The following AFF1 variants were observed in gnomAD, a reference collection of about 807,000 sequenced individuals.
The protein encoded by AFF1 is ALF transcription elongation factor 1, also known as AF4/FMR2 family member 1.
A neutral mutation model predicts 121.7 loss-of-function variants in AFF1; 48 were observed. The observed-to-expected ratio is 0.39, with a 90% CI of 0.31 to 0.50. The LOEUF is 0.50. AFF1 is among the 20% of genes least tolerant of loss of function. AFF1 has a pLI of 0.76. For synonymous variants in AFF1, 613 were observed against 563.0 expected (o/e 1.09, Z -1.26); for missense variants, 1,523 against 1,511.7 (o/e 1.01, Z -0.12).
chr4:86,956,474 C>T (rs1721746673), intron 2 of AFF1, among the ~76,000 whole-genome samples: 2 of 152,190 alleles, frequency 1.3e-5, no homozygotes, highest in South Asian at 2.1e-4. Flanking sequence ...GTGTAATTTA[C>T]AAGCTATTTT....
At chr4:87,096,192 G>A (rs1378011330) in intron 8 of AFF1, among the ~76,000 whole-genome samples, 1 of 151,846 alleles carries the variant, frequency 6.6e-6, no homozygotes, top group African/African-American at 2.4e-5. Flanking sequence ...TTGTGCATGT[G>A]GTAAGAATGT....
At chr4:87,012,726 C>G (rs1405977749) in intron 2 of AFF1, among the ~76,000 whole-genome samples, 1 of 152,194 alleles carries the variant, frequency 6.6e-6, no homozygotes, top group Non-Finnish European at 1.5e-5. Flanking sequence ...TAGATTTACA[C>G]TTCAGGAGAA....
rs144396595 is a variant in AFF1 at position 87,072,663 on chromosome 4, C to T, written c.1060-11457C>T. ...AGCCTCCCCAGTAGCTGGGATTACA[C>T]GCTTGCACCACCCACCACCACGCCT... On this transcript the variant is annotated intron_variant, in intron 4 of 20. Transcript: ENST00000395146. 8.3e-3 allele frequency among the ~76,000 whole-genome samples: 1,257 copies of T among 151,998 alleles called. 17 individuals are homozygous for T. Among genetic ancestry groups the T allele is most frequent in the African/African-American group, 0.029 (1,189 of 41,454 alleles).
chr4:87,019,160 G>T (rs1362424096), intron 2 of AFF1, among the ~76,000 whole-genome samples: 2 of 152,212 alleles, frequency 1.3e-5, no homozygotes, highest in African/African-American at 4.8e-5. Flanking sequence ...TATATATTTA[G>T]CAATAGGAAA....
chr4:86,942,672 T>C (rs1720548198), intron 1 of AFF1, among the ~76,000 whole-genome samples: 1 of 152,210 alleles, frequency 6.6e-6, no homozygotes, highest in Non-Finnish European at 1.5e-5. Flanking sequence ...AGTTCTGGTT[T>C]TTTGATGGTA....
chr4:86,957,516 G>C (rs1041515322), intron 2 of AFF1, among the ~76,000 whole-genome samples: 1 of 152,008 alleles, frequency 6.6e-6, no homozygotes, highest in Non-Finnish European at 1.5e-5. Context: ...GAATGCTGGG[G>C]CAACTAGTTC....
At chr4:87,091,492 A>G (rs1006953660) in intron 6 of AFF1, among the ~76,000 whole-genome samples, 1 of 152,142 alleles carries the variant, frequency 6.6e-6, no homozygotes, top group African/African-American at 2.4e-5. Context: ...ATCTTTGTGC[A>G]ACAACAAAGG....
At chr4:87,013,948 C>A (rs543941814) in intron 2 of AFF1, among the ~76,000 whole-genome samples, 2 of 152,066 alleles carry the variant, frequency 1.3e-5, no homozygotes, top group East Asian at 3.9e-4. Context: ...TGAGAGAGAT[C>A]ATATAAACCA....
At chr4:87,026,310 T>C (rs1728532386) in intron 2 of AFF1, among the ~76,000 whole-genome samples, 1 of 152,226 alleles carries the variant, frequency 6.6e-6, no homozygotes, top group Non-Finnish European at 1.5e-5. Context: ...TTGGCCAGGC[T>C]GGTCTTTGAA....
At chr4:87,055,245 GTA>G (rs1719995677) in intron 4 of AFF1, among the ~76,000 whole-genome samples, 1 of 152,200 alleles carries the variant, frequency 6.6e-6, no homozygotes, top group Non-Finnish European at 1.5e-5. Flanking sequence ...AACTTTTTAA[GTA>G]ATATAGACAC....
At chr4:87,060,063 C>T (rs897167761) in intron 4 of AFF1, among the ~76,000 whole-genome samples, 1 of 152,202 alleles carries the variant, frequency 6.6e-6, no homozygotes, top group African/African-American at 2.4e-5. Flanking sequence ...ATTCAGGACA[C>T]TTGACTGGGA....
In AFF1 at chr4:87,063,228, CTTTTTTTTTTTTT is replaced by C. The variant is rs569577993; in HGVS notation, c.1059+15650_1059+15662del. Among the ~76,000 whole-genome samples, 190 of 44,446 alleles carry C rather than the reference CTTTTTTTTTTTTT, an allele frequency of 4.3e-3. 1 individual carries two copies. Among genetic ancestry groups the C allele is most frequent in the African/African-American group, 0.014 (176 of 12,690 alleles). 29.2% of individuals were successfully genotyped at this position (44,446 alleles called of 152,430 possible). On this transcript the variant is annotated intron_variant, in intron 4 of 20. Coordinates refer to ENST00000395146, the MANE Select transcript of AFF1 (RefSeq NM_001166693.3). ...ATGTATAAGCATAGTAGATTCACCT[CTTTTTTTTTTTTT>C]TTTTTTTTTTTTTTTGAGACAGAGT... is the stretch of plus-strand genomic sequence containing the variant.
intron 2 of AFF1, among the ~76,000 whole-genome samples, chr4:86,968,656 A>AT (rs955450341): frequency 6.6e-6 from 1 of 152,216 alleles, no homozygotes; most frequent in Non-Finnish European, 1.5e-5. Flanking sequence ...GAGGGAAAAG[A>AT]TTTATGAGCA....
chr4:86,949,319 T>C (rs1451576773), intron 2 of AFF1, among the ~76,000 whole-genome samples: 1 of 150,068 alleles, frequency 6.7e-6, no homozygotes, highest in East Asian at 1.9e-4. Context: ...TTCACCATGT[T>C]GACCACGCTG....
intron 2 of AFF1, among the ~76,000 whole-genome samples, chr4:86,985,715 G>A (rs1285355526): frequency 1.3e-5 from 2 of 151,806 alleles, no homozygotes. Context: ...ATACTAAATA[G>A]CAAAATCCAG....
intron 2 of AFF1, chr4:86,949,537 AT>A (rs754229542): frequency 0.23 from 57,362 of 246,460 alleles, 6,180 homozygotes; most frequent in Admixed American, 0.27. Context: ...TATTATTATT[AT>A]TTTTTTTTTT....
chr4:87,098,895 C>A (rs1725139387), intron 8 of AFF1, among the ~76,000 whole-genome samples: 1 of 152,126 alleles, frequency 6.6e-6, no homozygotes, highest in Admixed American at 6.5e-5. Context: ...AGTCTGATAC[C>A]TTTTCAAATG....
chr4:86,941,041 T>C (rs1720418653), intron 1 of AFF1, among the ~76,000 whole-genome samples: 1 of 151,842 alleles, frequency 6.6e-6, no homozygotes, highest in African/African-American at 2.4e-5. Context: ...TGAGCAGTGA[T>C]CGAGATTGTG....
chr4:87,091,763 A>G, intron 6 of AFF1, 30 bp from the exon 7 acceptor site: 1 of 1,408,586 alleles, frequency 7.1e-7, no homozygotes, highest in East Asian at 2.5e-5. Context: ...TTAATCTTTT[A>G]ATAATTAGAT....
Sources: allele counts gnomAD v4.1 joint callset (sites outside exome capture counted in the v4.1 genomes callset), GRCh38; gene constraint gnomAD v4.1.1; transcripts MANE v1.5; gene names NCBI Gene and HGNC (gene_info 2026-07-23, HGNC 2026-07-21).